STPG4: variants seen among roughly 807,000 people sequenced by gnomAD.
STPG4 encodes the protein sperm-tail PG-rich repeat containing 4.
Under a neutral mutation model 31.5 loss-of-function variants are expected in STPG4, and 41 were observed. The observed-to-expected ratio is 1.30, with a 90% confidence interval of 1.01 to 1.69. STPG4 has a LOEUF of 1.69. Among genes scored for constraint, STPG4 ranks in the 40% most tolerant of loss-of-function variants. STPG4 has a pLI of 0.00. For synonymous variants in STPG4, 141 were observed against 103.0 expected, an observed-to-expected ratio of 1.37 and a Z score of -2.24; for missense variants, 375 against 293.4, an observed-to-expected ratio of 1.28 and a Z score of -2.03.
intron 5 of STPG4, among the ~76,000 whole-genome samples, chr2:47,100,755 ACACGC>A (rs1685779740): frequency 6.6e-6 from 1 of 151,570 alleles, no homozygotes; most frequent in South Asian, 2.1e-4. Flanking sequence ...ACAACTCCAG[ACACGC>A]CACCTTAAGA....
chr2:47,127,528 C>T (rs1409296067), intron 5 of STPG4, among the ~76,000 whole-genome samples: 1 of 152,150 alleles, frequency 6.6e-6, no homozygotes, highest in Non-Finnish European at 1.5e-5. Flanking sequence ...CTCAGCCTCC[C>T]AAAGTGCTGG....
chr2:47,115,819 AT>A (rs1234285330), intron 5 of STPG4, among the ~76,000 whole-genome samples: 28 of 152,006 alleles, frequency 1.8e-4, no homozygotes, highest in African/African-American at 6.8e-4. Flanking sequence ...TGCACGACTA[AT>A]TTTTTGTATT....
chr2:47,110,732 T>A (rs1317372979), intron 5 of STPG4, among the ~76,000 whole-genome samples: 2 of 152,210 alleles, frequency 1.3e-5, no homozygotes, highest in African/African-American at 4.8e-5. Flanking sequence ...TACACATGAT[T>A]TTTCTGACAT....
chr2:47,088,957 G>A (rs1685514963), intron 6 of STPG4, among the ~76,000 whole-genome samples: 1 of 152,188 alleles, frequency 6.6e-6, no homozygotes, highest in Non-Finnish European at 1.5e-5. Flanking sequence ...TCGGGAGGCT[G>A]CTGGTTGGGG....
chr2:47,109,937 G>A (rs1043909976), intron 5 of STPG4, among the ~76,000 whole-genome samples: 4 of 152,024 alleles, frequency 2.6e-5, no homozygotes, highest in Admixed American at 6.5e-5. Flanking sequence ...ATCATGTAAC[G>A]ACCATTTGTA....
chr2:47,112,496 G>A (rs1180672854), intron 5 of STPG4, among the ~76,000 whole-genome samples: 1 of 152,088 alleles, frequency 6.6e-6, no homozygotes, highest in Non-Finnish European at 1.5e-5. Flanking sequence ...ATGTATAAGT[G>A]ACTAAAGTAT....
intron 3 of STPG4, among the ~76,000 whole-genome samples, chr2:47,135,696 T>C (rs879511935): frequency 2.6e-5 from 4 of 152,206 alleles, no homozygotes; most frequent in African/African-American, 4.8e-5. Flanking sequence ...CTCTTCTTTT[T>C]TGAATGTGGA....
chr2:47,148,841 C>T (rs1218430220), intron 3 of STPG4, among the ~76,000 whole-genome samples: 1 of 152,170 alleles, frequency 6.6e-6, no homozygotes, highest in South Asian at 2.1e-4. Flanking sequence ...TCATCCATGT[C>T]CCTACAAAAG....
intron 5 of STPG4, among the ~76,000 whole-genome samples, chr2:47,122,844 G>C (rs1015939548): frequency 1.3e-5 from 2 of 151,858 alleles, no homozygotes; most frequent in African/African-American, 2.4e-5. Flanking sequence ...TTTTGTTTTT[G>C]AGTCTGAGTC....
intron 5 of STPG4, among the ~76,000 whole-genome samples, chr2:47,121,909 C>G (rs1405269592): frequency 6.7e-6 from 1 of 150,268 alleles, no homozygotes. Flanking sequence ...CTTCCCCACC[C>G]TGGAGTACAG....
intron 5 of STPG4, among the ~76,000 whole-genome samples, chr2:47,110,926 G>A (rs894806992): frequency 6.6e-6 from 1 of 152,102 alleles, no homozygotes; most frequent in Non-Finnish European, 1.5e-5. Flanking sequence ...TGTTGCTACT[G>A]TTATCTTGCT....
At chr2:47,117,033 G>C (rs1405073192) in intron 5 of STPG4, among the ~76,000 whole-genome samples, 2 of 152,134 alleles carry the variant, frequency 1.3e-5, no homozygotes, top group Non-Finnish European at 2.9e-5. Context: ...TTTTGCTTAG[G>C]ATGTAGGCTC....
chr2:47,151,231 C>T (rs557984456), intron 3 of STPG4, 27 bp downstream of exon 3: 5 of 1,611,906 alleles, frequency 3.1e-6, no homozygotes, highest in Admixed American at 1.7e-5. Flanking sequence ...CTTTCCCACA[C>T]AAAGCAATCT....
At chr2:47,114,352 A>G (rs1240893995) in intron 5 of STPG4, among the ~76,000 whole-genome samples, 3 of 151,398 alleles carry the variant, frequency 2.0e-5, no homozygotes, top group Admixed American at 6.6e-5. Flanking sequence ...TGAAAATACA[A>G]AAAAATTAGC....
chr2:47,106,616 G>C (rs1007302786), intron 5 of STPG4, among the ~76,000 whole-genome samples: 2 of 151,944 alleles, frequency 1.3e-5, no homozygotes, highest in African/African-American at 4.8e-5. Flanking sequence ...GGAGGACTCT[G>C]CACCTTCTTA....
intron 5 of STPG4, among the ~76,000 whole-genome samples, chr2:47,095,642 C>G (rs903182021): frequency 6.6e-6 from 1 of 152,192 alleles, no homozygotes; most frequent in East Asian, 1.9e-4. Flanking sequence ...ATACATTGTT[C>G]CAGGCCATGG....
intron 5 of STPG4, among the ~76,000 whole-genome samples, chr2:47,101,978 C>T (rs187662188): frequency 1.9e-4 from 29 of 151,916 alleles, no homozygotes; most frequent in African/African-American, 6.5e-4. Context: ...TTTTCTCGGT[C>T]GGTCCTCCCT....
At chr2:47,147,655 G>A (rs1006759077) in intron 3 of STPG4, among the ~76,000 whole-genome samples, 1 of 152,126 alleles carries the variant, frequency 6.6e-6, no homozygotes, top group African/African-American at 2.4e-5. Context: ...ATTATGATAT[G>A]AGTAGTGAAA....
intron 5 of STPG4, chr2:47,129,572 TC>T (rs1018625218): frequency 1.4e-5 from 3 of 208,876 alleles, no homozygotes; most frequent in African/African-American, 7.1e-5. Flanking sequence ...AGCACGGTGT[TC>T]CCGTGCAAAG....
Sources: allele counts gnomAD v4.1 joint callset (sites outside exome capture counted in the v4.1 genomes callset), GRCh38; gene constraint gnomAD v4.1.1; transcripts MANE v1.5; gene names NCBI Gene and HGNC (gene_info 2026-07-23, HGNC 2026-07-21).